FCMR: variants seen among roughly 807,000 people sequenced by gnomAD.
The protein encoded by FCMR is Fc mu receptor, also known as immunoglobulin mu Fc receptor.
A neutral mutation model predicts 41.6 loss-of-function variants in FCMR; 34 were observed. The observed-to-expected ratio is 0.82, with a 90% CI of 0.62 to 1.09. FCMR has a LOEUF of 1.09. FCMR is among the 50% of genes least tolerant of loss of function. The probability of loss-of-function intolerance (pLI) is 0.00; values close to 1 mark genes in which losing one functional copy is unlikely to be tolerated. For synonymous variants in FCMR, 209 were observed against 211.8 expected (o/e 0.99, Z 0.12); for missense variants, 496 against 512.5 (o/e 0.97, Z 0.31).
At chr1:206,918,206 A>G (rs926438170) in intron 1 of FCMR, among the ~76,000 whole-genome samples, 12 of 152,068 alleles carry the variant, frequency 7.9e-5, no homozygotes, top group African/African-American at 2.9e-4. Context: ...GAGCCAGCCC[A>G]GCTTGAAACA....
Position 206,911,900 on chromosome 1 carries a change from G to C in FCMR, c.540C>G (p.Pro180=), listed in dbSNP as rs779682817. The C allele has an allele frequency of 1.9e-6, 3 of 1,605,442 alleles. No individual in the cohort carries two copies. The highest frequency in any genetic ancestry group is 1.8e-5 in the Admixed American group (1 of 57,080). Residue 180 remains proline, a synonymous_variant, in exon 4 of 8, where the codon CCC becomes CCG. Transcript: ENST00000367091. ...GKVPPVHHSS[P]TTQITHRPRV... ...GAGGGCGGTGGGTGATTTGGGTGGT[G>C]GGGGAGGAGTGGTGAACTGGAGGGA...
rs2102562554 is a variant in FCMR at position 206,913,695 on chromosome 1, T to C, written c.373+64A>G. On this transcript the variant is annotated intron_variant, in intron 2 of 7. Coordinates refer to ENST00000367091, the MANE Select transcript of FCMR (RefSeq NM_005449.5). ...GAGACTGTTACAGTTAGATGGCTGT[T>C]CCAATCTTCCCAAGTGAAACATTTT... 4 of 1,334,110 alleles carry C rather than the reference T, an allele frequency of 3.0e-6. No homozygotes were observed. The South Asian group carries it at 3.7e-5, about 12-fold the overall frequency. The allele number at this position is 1,334,110 out of a possible 1,614,324, so 82.6% of individuals were successfully genotyped here.
Position 206,909,113 on chromosome 1 carries a change from C to A in FCMR, c.1044+349G>T, listed in dbSNP as rs371866120. On this transcript the variant is annotated intron_variant, in intron 7 of 7. Transcript: ENST00000367091. This position sits in a 1 kb window ranked among gnomAD's most constrained non-coding sequence, Gnocchi z 5.0. ...GTAGCTTCCACCTCCCTAGGACCCC[C>A]TAGAAATCTAATCTCCTCCACGAGA... Among the ~76,000 whole-genome samples, 1 of 152,184 alleles carries A rather than the reference C, an allele frequency of 6.6e-6. No individual in the cohort carries two copies. Among genetic ancestry groups the A allele is most frequent in the South Asian group, 2.1e-4 (1 of 4,830 alleles).
chr1:206,910,122 A>T (rs1159933140), intron 5 of FCMR, 88 bp downstream of exon 5: 1 of 1,389,212 alleles, frequency 7.2e-7, no homozygotes, highest in East Asian at 2.6e-5. Flanking sequence ...AAAAGCTCCG[A>T]GTTTCCCATG....
At chr1:206,910,186 C>T in intron 5 of FCMR, 24 bp downstream of exon 5, 3 of 1,577,328 alleles carry the variant, frequency 1.9e-6, no homozygotes, top group Non-Finnish European at 2.6e-6. Flanking sequence ...GCTCAGCTCT[C>T]CCTACCGAAG....
chr1:206,913,896 T>C lies in FCMR; in HGVS notation c.236A>G (p.Lys79Arg), dbSNP rs1471541465. ...GAACAGATTCTTGCGTGGGTATTGCTTCAGAGTAACTCGGCCCTTGTATTC... is the reference window on the plus strand; with the variant it reads ...GAACAGATTCTTGCGTGGGTATTGCCTCAGAGTAACTCGGCCCTTGTATTC... ...KAEYKGRVTL[K>R]QYPRKNLFLV... Residue 79 changes from lysine to arginine, a missense_variant, in exon 2 of 8, where the codon AAG becomes AGG. Transcript: ENST00000367091. 3.1e-6 allele frequency: 5 copies of C among 1,614,236 alleles called. No individual in the cohort carries two copies. In the South Asian group the frequency reaches 3.3e-5, roughly 11 times the overall value.
chr1:206,922,157 C>T (rs1355229516), upstream of FCMR, among the ~76,000 whole-genome samples: 1 of 152,198 alleles, frequency 6.6e-6, no homozygotes, highest in Non-Finnish European at 1.5e-5. Context: ...TTAGCAGTGA[C>T]CAGGCCTGAT....
chr1:206,916,863 C>T (rs1030895712), intron 1 of FCMR, among the ~76,000 whole-genome samples: 1 of 152,166 alleles, frequency 6.6e-6, no homozygotes, highest in Non-Finnish European at 1.5e-5. Flanking sequence ...TCTAGAAATA[C>T]GTGTTTTTAA....
intron 7 of FCMR, 117 bp from the exon 8 acceptor site, chr1:206,905,264 A>G: frequency 1.7e-6 from 2 of 1,146,942 alleles, no homozygotes; most frequent in Non-Finnish European, 2.5e-6. Flanking sequence ...TCCAGAAGGC[A>G]AAGACACAGA....
At chr1:206,913,534 CAA>C (rs1679034585) in intron 2 of FCMR, 1 of 587,206 alleles carries the variant, frequency 1.7e-6, no homozygotes, top group African/African-American at 1.9e-5. Flanking sequence ...ATGAACAATA[CAA>C]AGAGAGCACC....
intron 3 of FCMR, 85 bp from the exon 4 acceptor site, chr1:206,912,037 A>G: frequency 9.6e-7 from 1 of 1,036,748 alleles, no homozygotes; most frequent in South Asian, 1.5e-5. Context: ...TTTCCACAAC[A>G]TACCCTTCCC....
chr1:206,910,992 C>T (rs1678915036), intron 4 of FCMR, among the ~76,000 whole-genome samples: 1 of 152,118 alleles, frequency 6.6e-6, no homozygotes, highest in Non-Finnish European at 1.5e-5. Context: ...TGCATATTGT[C>T]ATCTTCTTAT....
At chr1:206,907,085 G>A (rs1678683386) in intron 7 of FCMR, among the ~76,000 whole-genome samples, 1 of 59,502 alleles carries the variant, frequency 1.7e-5, no homozygotes. Flanking sequence ...GAAGCCGGGG[G>A]GTGGGGGGGT....
intron 7 of FCMR, among the ~76,000 whole-genome samples, chr1:206,905,589 G>C (rs894857976): frequency 6.6e-6 from 1 of 152,206 alleles, no homozygotes; most frequent in African/African-American, 2.4e-5. Context: ...TTCCAGGAAG[G>C]GGGATGGATG....
At position 206,921,798 on chromosome 1, in the gene FCMR, T is replaced by A. The variant is rs1440453435; in HGVS notation, c.37+20A>T. 2 of 1,612,254 alleles carry A rather than the reference T, an allele frequency of 1.2e-6. No individual in the cohort carries two copies. Among genetic ancestry groups the A allele is most frequent in the Non-Finnish European group, 1.7e-6 (2 of 1,178,356 alleles). The stretch of plus-strand genomic sequence containing the variant: ...TCAAGCCTCATTCAGAGGTCTGAAG[T>A]GTTTCCCCACGGTACTTACCTGGCA... On this transcript the variant is annotated intron_variant, in intron 1 of 7. Coordinates refer to ENST00000367091, the MANE Select transcript of FCMR (RefSeq NM_005449.5).
Position 206,911,944 on chromosome 1 carries a change from G to C in FCMR, c.496C>G (p.Pro166Ala), listed in dbSNP as rs111888932. The C allele has an allele frequency of 4.3e-5, 69 of 1,609,174 alleles. 1 individual carries two copies. In the African/African-American group the frequency reaches 4.6e-4, roughly 11 times the overall value. The part of the protein sequence containing the change: ...SSKFVTRVTT[P>A]AQRGKVPPVH... ...GGAGGGACCTTGCCCCTTTGAGCTG[G>C]TGTGGTAACTGCAGGAGGTAGCAGG... Residue 166 changes from proline (P) to alanine (A), a missense_variant, in exon 4 of 8, where the codon CCA becomes GCA. Transcript: ENST00000367091.
At chr1:206,914,982 C>T (rs1322541761) in intron 1 of FCMR, among the ~76,000 whole-genome samples, 3 of 152,184 alleles carry the variant, frequency 2.0e-5, no homozygotes, top group East Asian at 3.8e-4. Context: ...CAGCATAGAG[C>T]CCCCACGTGA....
In FCMR at chr1:206,914,018, T is replaced by C. The variant is rs761608136; in HGVS notation, c.114A>G (p.Pro38=). ...ELGGSVTIKC[P]LPEMHVRIYL... The stretch of plus-strand genomic sequence containing the variant: ...ATATCCTCACATGCATTTCAGGAAG[T>C]GGGCACTTGATGGTAACTGATCCGC... The change falls in exon 2 of 8, where the codon CCA becomes CCG. Residue 38 remains proline, a synonymous_variant. Coordinates refer to ENST00000367091, the MANE Select transcript of FCMR (RefSeq NM_005449.5). 1 of 1,614,198 alleles carries C rather than the reference T, an allele frequency of 6.2e-7. No individual in the cohort carries two copies. The highest frequency in any genetic ancestry group is 8.5e-7 in the Non-Finnish European group (1 of 1,180,014).
At position 206,921,859 on chromosome 1, in the gene FCMR, C is replaced by T; in HGVS notation, c.-5G>A. On this transcript the variant is annotated 5_prime_UTR_variant, in exon 1 of 8. Transcript: ENST00000367091. ...TGGCCAAAGCCAGAAGTCCATTGTC[C>T]CTTCTAGAGTGCAAGGTCCATCCAA... 2.5e-6 allele frequency: 4 copies of T among 1,614,036 alleles called. No individual in the cohort carries two copies. Among genetic ancestry groups the T allele is most frequent in the Non-Finnish European group, 2.5e-6 (3 of 1,179,936 alleles).
Sources: allele counts gnomAD v4.1 joint callset (sites outside exome capture counted in the v4.1 genomes callset), GRCh38; gene constraint gnomAD v4.1.1; non-coding constraint Gnocchi (gnomAD v3.1); transcripts MANE v1.5; gene names NCBI Gene and HGNC (gene_info 2026-07-23, HGNC 2026-07-21).